Variants in TEKT2 observed in about 807,000 individuals in gnomAD.
TEKT2 encodes the protein tektin 2.
A neutral mutation model predicts 49.8 loss-of-function variants in TEKT2; 45 were observed. That is an observed-to-expected ratio of 0.90 (90% CI 0.71 to 1.16). The LOEUF is 1.16. Among genes scored for constraint, TEKT2 ranks in the 50% most tolerant of loss-of-function variants. TEKT2 has a pLI of 0.00. For synonymous variants in TEKT2, 202 were observed against 224.6 expected (o/e 0.90, Z 0.90); for missense variants, 523 against 551.4 (o/e 0.95, Z 0.52).
At chr1:36,086,600 G>A (rs1297351099) in intron 4 of TEKT2, 104 bp from the exon 5 acceptor site, 1 of 1,495,302 alleles carries the variant, frequency 6.7e-7, no homozygotes, top group Non-Finnish European at 9.3e-7. Context: ...CTTCTGCTGG[G>A]AAGGGTCACC....
Position 36,086,692 on chromosome 1 carries a change from C to A in TEKT2, c.489-12C>A, listed in dbSNP as rs72661665. ...TGGGGGATGGTCCTGATGGAGTCTG[C>A]GCTTTCCCCAGCCTCTTGCAGGAAG... On this transcript the variant is annotated splice_polypyrimidine_tract_variant and intron_variant, in intron 4 of 9. Coordinates refer to ENST00000207457, the MANE Select transcript of TEKT2 (RefSeq NM_014466.3). The A allele has an allele frequency of 1.2e-6, 2 of 1,613,862 alleles. No individual in the cohort carries two copies. The highest frequency in any genetic ancestry group is 2.7e-5 in the African/African-American group (2 of 74,868).
At position 36,085,225 on chromosome 1, in the gene TEKT2, G is replaced by A. The variant is rs1413251410; in HGVS notation, c.219G>A (p.Arg73=). 3.1e-6 allele frequency: 5 copies of A among 1,614,202 alleles called. No individual in the cohort carries two copies. The highest frequency in any genetic ancestry group is 1.7e-6 in the Non-Finnish European group (2 of 1,180,048). The stretch of plus-strand genomic sequence containing the variant: ...TGGAGAGGATTGATACTGTCAACCG[G>A]TGGAAGGAGATGCTGGACAAGTGTC... The part of the protein sequence containing the change: ...RLVERIDTVN[R]WKEMLDKCLT... The change falls in exon 3 of 10, where the codon CGG becomes CGA. Residue 73 remains arginine, a synonymous_variant. Coordinates refer to ENST00000207457, the MANE Select transcript of TEKT2 (RefSeq NM_014466.3).
Position 36,087,081 on chromosome 1 carries a change from T to C in TEKT2, c.747+36T>C. 2.5e-6 allele frequency: 4 copies of C among 1,609,562 alleles called. No individual in the cohort carries two copies. The highest frequency in any genetic ancestry group is 3.4e-6 in the Non-Finnish European group (4 of 1,176,866). ...ACCCACAGCTAATGGATGGTCCCAG[T>C]GTGCGCTCAGCCCTTATCTTCTGTT... On this transcript the variant is annotated intron_variant, in intron 6 of 9. Transcript: ENST00000207457. The surrounding 1 kb of genome is among the most constrained non-coding windows in gnomAD (Gnocchi z 4.9).
At position 36,085,296 on chromosome 1, in the gene TEKT2, T is replaced by A. The variant is rs768774189; in HGVS notation, c.282+8T>A. ...ATCGATGCCCTGACACAGGCAGGGA[T>A]CCAGGACTGGGTGCCCGGGGGCTGC... is the stretch of plus-strand genomic sequence containing the variant. On this transcript the variant is annotated splice_region_variant and intron_variant, in intron 3 of 9. Coordinates refer to ENST00000207457, the MANE Select transcript of TEKT2 (RefSeq NM_014466.3). 2 of 1,613,774 alleles carry A rather than the reference T, an allele frequency of 1.2e-6. No homozygotes were observed. The highest frequency in any genetic ancestry group is 1.7e-6 in the Non-Finnish European group (2 of 1,180,000).
chr1:36,086,825 G>A lies in TEKT2; in HGVS notation c.610G>A (p.Asp204Asn), dbSNP rs766422322. Residue 204 changes from aspartate to asparagine, a missense_variant, in exon 5 of 10, where the codon GAC becomes AAC. By Grantham distance (23) the Asp-to-Asn change is conservative (BLOSUM62 1). Coordinates refer to ENST00000207457, the MANE Select transcript of TEKT2 (RefSeq NM_014466.3). ...LRSPNISLKV[D>N]PTRVPDGSTT... ...ATCCCCAAACATCTCGCTGAAGGTT[G>A]ACCCCACACGTGTACCTGATGGGTA... 1.2e-4 allele frequency: 195 copies of A among 1,613,986 alleles called. 3 individuals carry two copies. The South Asian group carries it at 1.7e-3, about 14-fold the overall frequency.
rs997536882 is a variant in TEKT2 at position 36,086,743 on chromosome 1, T to G, written c.528T>G (p.His176Gln). The G allele has an allele frequency of 6.2e-7, 1 of 1,614,044 alleles. No homozygotes were observed. Among genetic ancestry groups the G allele is most frequent in the Non-Finnish European group, 8.5e-7 (1 of 1,180,014 alleles). Residue 176 changes from histidine to glutamine, a missense_variant, in exon 5 of 10, where the codon CAT becomes CAG. Coordinates refer to ENST00000207457, the MANE Select transcript of TEKT2 (RefSeq NM_014466.3). ...QEVQQQLNSD[H>Q]RGKMETLEID... ...TCCAACAGCAGCTCAACTCCGACCA[T>G]CGGGGCAAAATGGAGACACTAGAGA...
intron 3 of TEKT2, among the ~76,000 whole-genome samples, chr1:36,085,502 C>G (rs796961719): frequency 7.6e-6 from 1 of 131,436 alleles, no homozygotes; most frequent in African/African-American, 2.9e-5. Flanking sequence ...TTCTTTCTTT[C>G]TTTTCTTTTT....
chr1:36,085,467 G>A (rs1268661976), intron 3 of TEKT2, among the ~76,000 whole-genome samples, 179 bp downstream of exon 3: 3 of 148,426 alleles, frequency 2.0e-5, no homozygotes, highest in East Asian at 3.9e-4. Context: ...CAGCACCCCC[G>A]CCCACTCTTT....
At chr1:36,085,753 C>T in intron 3 of TEKT2, 83 bp from the exon 4 acceptor site, 1 of 1,398,438 alleles carries the variant, frequency 7.2e-7, no homozygotes, top group Non-Finnish European at 9.9e-7. Context: ...CTCCTGACCT[C>T]AAGTGTTCCA....
chr1:36,087,131 C>T lies in TEKT2; in HGVS notation c.748-73C>T. 2 of 1,604,686 alleles carry T rather than the reference C, an allele frequency of 1.2e-6. No individual in the cohort carries two copies. Among genetic ancestry groups the T allele is most frequent in the Non-Finnish European group, 1.7e-6 (2 of 1,172,538 alleles). ...TCCCTGCTGTGCATGTGGCCCCCTG[C>T]CCCTCGCTTGAGTAATATCCTCAGG... On this transcript the variant is annotated intron_variant, in intron 6 of 9. Transcript: ENST00000207457. The surrounding 1 kb of genome is among the most constrained non-coding windows in gnomAD (Gnocchi z 4.9).
chr1:36,085,369 AT>A (rs1406051205), intron 3 of TEKT2, 81 bp downstream of exon 3: 1 of 1,600,886 alleles, frequency 6.2e-7, no homozygotes, highest in Non-Finnish European at 8.5e-7. Flanking sequence ...GAAGCCCTTG[AT>A]GGGGGGTCAT....
intron 3 of TEKT2, among the ~76,000 whole-genome samples, chr1:36,085,507 C>CTG (rs1643356562): frequency 1.2e-5 from 1 of 82,554 alleles, no homozygotes; most frequent in Admixed American, 1.7e-4. Context: ...TCTTTCTTTT[C>CTG]TTTTTTTTTT....
intron 3 of TEKT2, 143 bp downstream of exon 3, chr1:36,085,431 C>T (rs1054305400): frequency 5.2e-5 from 65 of 1,254,700 alleles, no homozygotes; most frequent in South Asian, 4.9e-4. Flanking sequence ...TGGGGACAAG[C>T]GCTACTTCCC....
intron 4 of TEKT2, among the ~76,000 whole-genome samples, 167 bp downstream of exon 4, chr1:36,086,208 T>C (rs1643370659): frequency 6.6e-6 from 1 of 152,192 alleles, no homozygotes; most frequent in Admixed American, 6.5e-5. Context: ...CTCTTCCCAC[T>C]GCCTGGACAT....
chr1:36,087,328 G>C lies in TEKT2; in HGVS notation c.855+17G>C, dbSNP rs773748884. ...GAGAAGAATGTGAGCATCTCCAGGGGCCTGGACTTCCTGCTGTGGGATGAG... is the reference window on the plus strand; with the variant it reads ...GAGAAGAATGTGAGCATCTCCAGGGCCCTGGACTTCCTGCTGTGGGATGAG... On this transcript the variant is annotated intron_variant, in intron 7 of 9. Coordinates refer to ENST00000207457, the MANE Select transcript of TEKT2 (RefSeq NM_014466.3). The surrounding 1 kb of genome is among the most constrained non-coding windows in gnomAD (Gnocchi z 4.9). 6.2e-7 allele frequency: 1 copy of C among 1,613,954 alleles called. No individual in the cohort carries two copies. Among genetic ancestry groups the C allele is most frequent in the Non-Finnish European group, 8.5e-7 (1 of 1,179,950 alleles).
rs767119375 is a variant in TEKT2 at position 36,087,258 on chromosome 1, C to G, written c.802C>G (p.Arg268Gly). The G allele has an allele frequency of 1.2e-6, 2 of 1,614,142 alleles. No homozygotes were observed. The highest frequency in any genetic ancestry group is 1.1e-5 in the South Asian group (1 of 91,086). The change falls in exon 7 of 10, where the codon CGG becomes GGG. Residue 268 changes from arginine to glycine, a missense_variant. Transcript: ENST00000207457. This position sits in a 1 kb window ranked among gnomAD's most constrained non-coding sequence, Gnocchi z 4.9. ...TGCAACGGAATTTGCCTTCAGGAAG[C>G]GGCTGCGGGAGATGGAGAAAGTGTA... ...RVATEFAFRK[R>G]LREMEKVYSE...
rs775326143 is a variant in TEKT2 at position 36,087,482 on chromosome 1, T to C, written c.899T>C (p.Leu300Pro). 9 of 1,613,792 alleles carry C rather than the reference T, an allele frequency of 5.6e-6. No homozygotes were observed. The highest frequency in any genetic ancestry group is 6.8e-6 in the Non-Finnish European group (8 of 1,180,024). The change falls in exon 8 of 10, where the codon CTG (leucine) becomes CCG (proline). Residue 300 changes from leucine to proline, a missense_variant. Physicochemically the swap from Leu to Pro is moderately conservative, Grantham distance 98. Transcript: ENST00000207457. This position sits in a 1 kb window ranked among gnomAD's most constrained non-coding sequence, Gnocchi z 4.9. ...GAGCTGCAGGAGGACATCCGGCACCTGGAGGAGGATCTGCGCACAAAGCTC... is the reference window on the plus strand; with the variant it reads ...GAGCTGCAGGAGGACATCCGGCACCCGGAGGAGGATCTGCGCACAAAGCTC... ...IAELQEDIRH[L>P]EEDLRTKLLS...
chr1:36,087,732 A>G lies in TEKT2; in HGVS notation c.1004A>G (p.Gln335Arg), dbSNP rs1485021419. 1.2e-6 allele frequency: 2 copies of G among 1,613,560 alleles called. No homozygotes were observed. Among genetic ancestry groups the G allele is most frequent in the Admixed American group, 3.3e-5 (2 of 59,956 alleles). Reference sequence around the variant, plus strand: ...TCCCAACCCCTCTGCCTCCAGGCACAGTACGGCCTCACCGACGAGGTTCAC... The same window carrying G: ...TCCCAACCCCTCTGCCTCCAGGCACGGTACGGCCTCACCGACGAGGTTCAC... ...PNVELCRDQA[Q>R]YGLTDEVHQL... Residue 335 changes from glutamine to arginine, a missense_variant, in exon 9 of 10, where the codon CAG becomes CGG. Coordinates refer to ENST00000207457, the MANE Select transcript of TEKT2 (RefSeq NM_014466.3). The surrounding 1 kb of genome is among the most constrained non-coding windows in gnomAD (Gnocchi z 4.9).
chr1:36,085,582 G>C, intron 3 of TEKT2: 1 of 509,764 alleles, frequency 2.0e-6, no homozygotes, highest in Admixed American at 3.5e-5. Flanking sequence ...TGGTGTGATC[G>C]TGGCTCACTG....
Sources: gnomAD v4.1 joint callset for allele counts (sites outside exome capture counted in the v4.1 genomes callset) on GRCh38, gnomAD v4.1.1 for gene constraint, Gnocchi (gnomAD v3.1) non-coding constraint, MANE v1.5 for transcripts, NCBI Gene and HGNC (gene_info 2026-07-23, HGNC 2026-07-21) for gene names.